The following CCSER1 variants were observed in gnomAD, a reference collection of about 807,000 sequenced individuals.
CCSER1 encodes serine-rich coiled-coil domain-containing protein 1.
Under a neutral mutation model 82.0 loss-of-function variants are expected in CCSER1, and 41 were observed. The observed-to-expected ratio is 0.50, with a 90% confidence interval of 0.39 to 0.65. The LOEUF (loss-of-function observed/expected upper bound fraction) is 0.65. CCSER1 is among the 30% of genes least tolerant of loss of function. The probability of loss-of-function intolerance (pLI) is 0.00; values close to 1 mark genes in which losing one functional copy is unlikely to be tolerated. For missense variants in CCSER1, 1,119 were observed against 1,064.2 expected (o/e 1.05, Z -0.72); for synonymous variants, 414 against 383.9 (o/e 1.08, Z -0.92).
intron 10 of CCSER1, among the ~76,000 whole-genome samples, chr4:91,372,433 T>C (rs1356385238): frequency 6.6e-6 from 1 of 152,156 alleles, no homozygotes; most frequent in Non-Finnish European, 1.5e-5. Flanking sequence ...TACATTGTGA[T>C]TTAGTTTGTT....
At chr4:91,229,928 CCA>C (rs1213371691) in intron 10 of CCSER1, among the ~76,000 whole-genome samples, 1 of 152,076 alleles carries the variant, frequency 6.6e-6, no homozygotes, top group East Asian at 1.9e-4. Flanking sequence ...GCGCAGCAAA[CCA>C]CCATGGCATA....
chr4:91,268,370 A>G (rs1741761740), intron 10 of CCSER1, among the ~76,000 whole-genome samples: 1 of 152,176 alleles, frequency 6.6e-6, no homozygotes. Context: ...CTGAGTTTCT[A>G]CCAGGCTGTT....
chr4:91,230,673 G>T (rs1024827653), intron 10 of CCSER1, among the ~76,000 whole-genome samples: 4 of 151,450 alleles, frequency 2.6e-5, no homozygotes, highest in Non-Finnish European at 5.9e-5. Flanking sequence ...CAGCCCATTA[G>T]GTAAAAGATA....
chr4:90,609,395 G>A (rs1785157628), intron 5 of CCSER1, among the ~76,000 whole-genome samples: 1 of 152,040 alleles, frequency 6.6e-6, no homozygotes, highest in South Asian at 2.1e-4. Context: ...AATATGCTGT[G>A]AAATTTTCTA....
At chr4:91,243,068 A>G (rs1739492587) in intron 10 of CCSER1, among the ~76,000 whole-genome samples, 1 of 152,210 alleles carries the variant, frequency 6.6e-6, no homozygotes, top group South Asian at 2.1e-4. Flanking sequence ...GTAGCCATGT[A>G]GCATGGAGAG....
At chr4:90,392,144 A>G (rs1751277665) in intron 3 of CCSER1, among the ~76,000 whole-genome samples, 1 of 151,996 alleles carries the variant, frequency 6.6e-6, no homozygotes, top group Non-Finnish European at 1.5e-5. Flanking sequence ...ATGAATTTTT[A>G]AACTAACAGC....
intron 9 of CCSER1, among the ~76,000 whole-genome samples, chr4:91,057,906 G>T (rs566833413): frequency 6.6e-6 from 1 of 151,998 alleles, no homozygotes; most frequent in African/African-American, 2.4e-5. Context: ...CCTATATAAG[G>T]TTACCATCAT....
At chr4:91,268,952 C>T (rs1428914446) in intron 10 of CCSER1, among the ~76,000 whole-genome samples, 1 of 152,172 alleles carries the variant, frequency 6.6e-6, no homozygotes, top group Non-Finnish European at 1.5e-5. Flanking sequence ...GCTCAGAGGC[C>T]TGACAAATTA....
At chr4:91,513,371 T>G (rs1434805321) in intron 10 of CCSER1, among the ~76,000 whole-genome samples, 1 of 152,180 alleles carries the variant, frequency 6.6e-6, no homozygotes, top group Non-Finnish European at 1.5e-5. Context: ...TGCTAGTATA[T>G]TGTTGAGAAT....
At chr4:90,987,621 T>A (rs1210934438) in intron 9 of CCSER1, among the ~76,000 whole-genome samples, 14 of 151,674 alleles carry the variant, frequency 9.2e-5, no homozygotes, top group Non-Finnish European at 4.4e-5. Flanking sequence ...AAAAAATGAA[T>A]TTTTATTACT....
intron 10 of CCSER1, among the ~76,000 whole-genome samples, chr4:91,216,576 T>C (rs1376166664): frequency 6.6e-6 from 1 of 152,156 alleles, no homozygotes; most frequent in Non-Finnish European, 1.5e-5. Context: ...CATCTCGGCC[T>C]CCCAAAGTGC....
chr4:90,289,932 G>A lies in CCSER1; in HGVS notation c.-41-18312G>A, dbSNP rs572690397. On this transcript the variant is annotated intron_variant, in intron 1 of 10. Transcript: ENST00000509176. ...CTCAAAGGGAGATTAAAATACTGTA[G>A]ATTGCCCAAAGTTAGTGAGAGCAGA... Among the ~76,000 whole-genome samples the A allele has an allele frequency of 5.3e-5, 8 of 151,632 alleles. No homozygotes were observed. In the South Asian group the frequency reaches 1.5e-3, roughly 28 times the overall value.
At chr4:91,008,920 T>C (rs1738753235) in intron 9 of CCSER1, among the ~76,000 whole-genome samples, 1 of 152,220 alleles carries the variant, frequency 6.6e-6, no homozygotes, top group Non-Finnish European at 1.5e-5. Context: ...TATTAGAAGC[T>C]GTGGGTCACA....
chr4:90,838,738 G>A (rs899451802), intron 8 of CCSER1, among the ~76,000 whole-genome samples: 15 of 152,144 alleles, frequency 9.9e-5, no homozygotes, highest in African/African-American at 3.6e-4. Context: ...GGGAAAGGCA[G>A]GCGCGGCCTT....
At chr4:90,286,793 A>G (rs1647415601) in intron 1 of CCSER1, among the ~76,000 whole-genome samples, 1 of 152,014 alleles carries the variant, frequency 6.6e-6, no homozygotes. Flanking sequence ...TCATTAACTT[A>G]TAAACAGATT....
chr4:90,789,962 C>T (rs531334864), intron 7 of CCSER1, among the ~76,000 whole-genome samples: 1 of 152,106 alleles, frequency 6.6e-6, no homozygotes. Flanking sequence ...ATTTTATTTG[C>T]TCTCAACAGG....
At chr4:90,628,002 G>C in intron 5 of CCSER1, 23 bp from the exon 6 acceptor site, 1 of 1,545,956 alleles carries the variant, frequency 6.5e-7, no homozygotes, top group Non-Finnish European at 8.7e-7. Context: ...TGTAATTTTT[G>C]TTCTTTTTTT....
chr4:91,586,597 C>A (rs938565050), intron 10 of CCSER1, among the ~76,000 whole-genome samples: 2 of 151,704 alleles, frequency 1.3e-5, no homozygotes, highest in African/African-American at 4.8e-5. Context: ...TGACAAGTAT[C>A]CATTTTACTT....
intron 10 of CCSER1, among the ~76,000 whole-genome samples, chr4:91,337,680 C>A (rs1171428981): frequency 6.6e-6 from 1 of 152,078 alleles, no homozygotes; most frequent in Non-Finnish European, 1.5e-5. Context: ...ATAAAACATT[C>A]TCTCCTGTTC....
Sources: gnomAD v4.1 joint callset for allele counts (sites outside exome capture counted in the v4.1 genomes callset) on GRCh38, gnomAD v4.1.1 for gene constraint, MANE v1.5 for transcripts, NCBI Gene and HGNC (gene_info 2026-07-23, HGNC 2026-07-21) for gene names.